The following KCNH5 variants were observed in gnomAD, a reference collection of about 807,000 sequenced individuals.
The protein encoded by KCNH5 is voltage-gated delayed rectifier potassium channel KCNH5.
KCNH5 carries 46 observed loss-of-function variants against 96.1 expected under a neutral mutation model. The observed-to-expected ratio is 0.48, with a 90% confidence interval of 0.38 to 0.61. KCNH5 has a LOEUF of 0.61. Ranked by LOEUF, KCNH5 falls within the 20% of genes least tolerant of loss-of-function variation. The pLI, the probability that KCNH5 is intolerant of heterozygous loss-of-function variation, is 0.00. For missense variants in KCNH5, 907 were observed against 1,225.8 expected (o/e 0.74, Z 3.88); for synonymous variants, 439 against 449.8 (o/e 0.98, Z 0.30).
At position 62,743,773 on chromosome 14, in the gene KCNH5, G is replaced by A. The variant is rs193135787; in HGVS notation, c.2020-35318C>T. 2.5e-4 allele frequency among the ~76,000 whole-genome samples: 38 copies of A among 152,020 alleles called. No individual in the cohort carries two copies. The East Asian group carries it at 3.9e-3, about 16-fold the overall frequency. ...TCATATCTCTGGATCTGTTCTACCC[G>A]ACTCCACCCCCAATCTGGGCAGTTT... On this transcript the variant is annotated intron_variant, in intron 10 of 10. Transcript: ENST00000322893.
chr14:62,714,061 T>A (rs906669251), intron 10 of KCNH5, among the ~76,000 whole-genome samples: 1 of 151,876 alleles, frequency 6.6e-6, no homozygotes, highest in African/African-American at 2.4e-5. Flanking sequence ...AGTGGGAGGA[T>A]CACTTGAGCC....
chr14:62,906,027 A>C (rs914214187), intron 7 of KCNH5, among the ~76,000 whole-genome samples: 1 of 152,248 alleles, frequency 6.6e-6, no homozygotes, highest in African/African-American at 2.4e-5. Flanking sequence ...TAAAACTTTT[A>C]AGTAAAATCT....
At position 63,045,332 on chromosome 14, in the gene KCNH5, C is replaced by T. The variant is rs1467558644; in HGVS notation, c.-146G>A. 3.0e-6 allele frequency: 2 copies of T among 671,666 alleles called. No homozygotes were observed. Among genetic ancestry groups the T allele is most frequent in the Admixed American group, 4.2e-5 (2 of 47,310 alleles). 41.6% of individuals were successfully genotyped at this position (671,666 alleles called of 1,614,324 possible). ...CGGCGGCGGCGACGGGGTCCCCTGACTGTGTCTCCAGCCCGACCCGGATGA... is the reference window on the plus strand; with the variant it reads ...CGGCGGCGGCGACGGGGTCCCCTGATTGTGTCTCCAGCCCGACCCGGATGA... On this transcript the variant is annotated 5_prime_UTR_variant, in exon 1 of 11. Coordinates refer to ENST00000322893, the MANE Select transcript of KCNH5 (RefSeq NM_139318.5).
intron 6 of KCNH5, among the ~76,000 whole-genome samples, chr14:62,972,098 A>G (rs1285006729): frequency 6.6e-6 from 1 of 152,210 alleles, no homozygotes; most frequent in Non-Finnish European, 1.5e-5. Flanking sequence ...TATTTGCAAA[A>G]GACATCTAAT....
chr14:62,834,830 C>T (rs937620703), intron 8 of KCNH5, among the ~76,000 whole-genome samples: 9 of 151,946 alleles, frequency 5.9e-5, no homozygotes, highest in African/African-American at 2.2e-4. Flanking sequence ...TACTGGGACA[C>T]AACAATGTTC....
intron 6 of KCNH5, among the ~76,000 whole-genome samples, chr14:62,964,648 T>C (rs952030192): frequency 2.0e-5 from 3 of 152,172 alleles, no homozygotes; most frequent in African/African-American, 7.2e-5. Flanking sequence ...TCGTAAATTC[T>C]TTCTCTGCCT....
At chr14:62,962,944 T>C (rs1200206956) in intron 6 of KCNH5, among the ~76,000 whole-genome samples, 1 of 152,272 alleles carries the variant, frequency 6.6e-6, no homozygotes, top group Non-Finnish European at 1.5e-5. Flanking sequence ...CAACCATTAA[T>C]GTTCATGGCT....
chr14:62,728,144 G>C (rs1248929400), intron 10 of KCNH5, among the ~76,000 whole-genome samples: 1 of 151,592 alleles, frequency 6.6e-6, no homozygotes, highest in Non-Finnish European at 1.5e-5. Flanking sequence ...ACCTTAGGAG[G>C]CTGAGGCGGG....
intron 9 of KCNH5, among the ~76,000 whole-genome samples, chr14:62,793,078 T>G (rs138752450): frequency 6.6e-6 from 1 of 151,814 alleles, no homozygotes; most frequent in Non-Finnish European, 1.5e-5. Flanking sequence ...TCCACTCATA[T>G]GAAGTGTCTA....
intron 7 of KCNH5, among the ~76,000 whole-genome samples, chr14:62,882,565 C>T (rs1395980482): frequency 6.6e-6 from 1 of 152,196 alleles, no homozygotes; most frequent in Non-Finnish European, 1.5e-5. Context: ...GGACCACATG[C>T]TTTTGTGGTT....
At chr14:62,868,285 T>C (rs1228506027) in intron 7 of KCNH5, among the ~76,000 whole-genome samples, 1 of 152,236 alleles carries the variant, frequency 6.6e-6, no homozygotes, top group Non-Finnish European at 1.5e-5. Flanking sequence ...CTCAGGTCTC[T>C]TACTACAGTG....
chr14:62,792,843 C>T (rs1886461487), intron 9 of KCNH5, among the ~76,000 whole-genome samples: 2 of 151,722 alleles, frequency 1.3e-5, no homozygotes, highest in Admixed American at 1.3e-4. Context: ...GATATCTGTA[C>T]TCTCATGCCC....
intron 7 of KCNH5, among the ~76,000 whole-genome samples, chr14:62,885,792 T>C (rs144261782): frequency 0.018 from 2,759 of 152,286 alleles, 34 homozygotes; most frequent in Middle Eastern, 0.031. Flanking sequence ...TCCTTTTGTG[T>C]TTCAGAGTCA....
chr14:62,785,340 C>A (rs964443357), intron 9 of KCNH5, among the ~76,000 whole-genome samples: 1 of 152,154 alleles, frequency 6.6e-6, no homozygotes. Flanking sequence ...GAATATCTAA[C>A]GTGCATGCAT....
chr14:62,795,214 T>C (rs1360325339), intron 9 of KCNH5, among the ~76,000 whole-genome samples: 1 of 152,026 alleles, frequency 6.6e-6, no homozygotes, highest in Non-Finnish European at 1.5e-5. Flanking sequence ...ATAGAGGAAA[T>C]TGGCAAGTGA....
intron 1 of KCNH5, 42 bp downstream of exon 1, chr14:63,045,072 C>A (rs192198708): frequency 6.8e-7 from 1 of 1,467,320 alleles, no homozygotes; most frequent in South Asian, 1.1e-5. Flanking sequence ...CGCGTGTGGG[C>A]GGGATGGAGG....
In KCNH5 at chr14:62,699,600, A is replaced by G. The variant is rs1046571035; in HGVS notation, c.*7908T>C. 4.6e-5 allele frequency: 7 copies of G among 152,206 alleles called. No homozygotes were observed. The highest frequency in any genetic ancestry group is 8.8e-5 in the Non-Finnish European group (6 of 68,032). The allele number at this position is 152,206 out of a possible 1,614,324, so 9.4% of individuals were successfully genotyped here. A position where few individuals can be genotyped will look rare whatever the true frequency, so the allele number is the denominator to read the frequency against. On this transcript the variant is annotated 3_prime_UTR_variant, in exon 11 of 11. Coordinates refer to ENST00000322893, the MANE Select transcript of KCNH5 (RefSeq NM_139318.5). ...AAACCCAGATTTCTTTTGGGCTAAA[A>G]GCTTCCACCTGCCAATTCACTTTTC... is the stretch of plus-strand genomic sequence containing the variant.
At chr14:62,773,129 T>C (rs1566655960) in intron 10 of KCNH5, among the ~76,000 whole-genome samples, 1 of 152,216 alleles carries the variant, frequency 6.6e-6, no homozygotes, top group African/African-American at 2.4e-5. Flanking sequence ...CTAGGTTAAA[T>C]AGTAGAAACA....
At chr14:62,792,935 G>A (rs375720758) in intron 9 of KCNH5, among the ~76,000 whole-genome samples, 252 of 151,770 alleles carry the variant, frequency 1.7e-3, no homozygotes, top group Middle Eastern at 0.01. Context: ...AAAACGTGGC[G>A]TATGCATACA....
Sources: allele counts gnomAD v4.1 joint callset (sites outside exome capture counted in the v4.1 genomes callset), GRCh38; gene constraint gnomAD v4.1.1; transcripts MANE v1.5; gene names NCBI Gene and HGNC (gene_info 2026-07-23, HGNC 2026-07-21).